LRRC58: variants seen among roughly 807,000 people sequenced by gnomAD.
LRRC58 encodes leucine rich repeat containing 58.
Under a neutral mutation model 30.6 loss-of-function variants are expected in LRRC58, and 18 were observed. The observed-to-expected ratio is 0.59, with a 90% CI of 0.41 to 0.87. The LOEUF (loss-of-function observed/expected upper bound fraction) is 0.87. Among genes scored for constraint, LRRC58 ranks in the 40% least tolerant of loss-of-function variants. The pLI is 0.00. For missense variants in LRRC58, 420 were observed against 468.4 expected (o/e 0.90, Z 0.95); for synonymous variants, 221 against 206.0 (o/e 1.07, Z -0.62).
intron 1 of LRRC58, among the ~76,000 whole-genome samples, chr3:120,338,670 A>T (rs1576183124): frequency 6.6e-6 from 1 of 152,232 alleles, no homozygotes; most frequent in South Asian, 2.1e-4. Context: ...ACAGCAACAC[A>T]GCCAGTTTGA....
chr3:120,324,941 T>A lies in LRRC58; in HGVS notation c.*6259A>T, dbSNP rs944319793. On this transcript the variant is annotated 3_prime_UTR_variant, in exon 4 of 4. Transcript: ENST00000295628. The stretch of plus-strand genomic sequence containing the variant: ...AAATACAGAAAATTAAGAAATCAGA[T>A]CATAAAAAGTAATTTGACCCAAGTA... 6.6e-6 allele frequency: 1 copy of A among 152,178 alleles called. No homozygotes were observed. The highest frequency in any genetic ancestry group is 1.9e-4 in the East Asian group (1 of 5,202). The allele number at this position is 152,178 out of a possible 1,614,324, so 9.4% of individuals were successfully genotyped here.
At chr3:120,340,781 C>T (rs1447107850) in intron 1 of LRRC58, among the ~76,000 whole-genome samples, 2 of 152,116 alleles carry the variant, frequency 1.3e-5, no homozygotes, top group Non-Finnish European at 2.9e-5. Flanking sequence ...CCTGTAATCC[C>T]AGCTACTCAG....
chr3:120,331,211 G>T lies in LRRC58; in HGVS notation c.1105C>A (p.Leu369Ile). The T allele has an allele frequency of 6.2e-7, 1 of 1,613,922 alleles. No individual in the cohort carries two copies. Among genetic ancestry groups the T allele is most frequent in the Middle Eastern group, 1.6e-4 (1 of 6,062 alleles). The change falls in exon 4 of 4, where the codon CTT (leucine) becomes ATT (isoleucine). Residue 369 changes from leucine to isoleucine, a missense_variant. This residue lies in a region of LRRC58 where 154 missense variants were observed against 216.8 expected (regional missense o/e 0.71). Coordinates refer to ENST00000295628, the MANE Select transcript of LRRC58 (RefSeq NM_001099678.2). ...CTGTGCACTCCTGTTCAACCAAGAA[G>T]AACTTTCTGCATTCTGCGTGCAGCA... ...SVAARRMQKV[L>I]LG
At chr3:120,337,564 T>G (rs1439291585) in intron 1 of LRRC58, among the ~76,000 whole-genome samples, 3 of 152,174 alleles carry the variant, frequency 2.0e-5, no homozygotes, top group African/African-American at 7.2e-5. Context: ...TCAAGCATGG[T>G]CTATTTTCAT....
At chr3:120,334,176 G>C (rs1935800191) in intron 3 of LRRC58, among the ~76,000 whole-genome samples, 1 of 152,112 alleles carries the variant, frequency 6.6e-6, no homozygotes, top group African/African-American at 2.4e-5. Flanking sequence ...TCTGATACAG[G>C]GAATGGTGAG....
intron 1 of LRRC58, among the ~76,000 whole-genome samples, chr3:120,340,092 C>T (rs1935886310): frequency 6.6e-6 from 1 of 152,130 alleles, no homozygotes; most frequent in African/African-American, 2.4e-5. Flanking sequence ...AACTCCTGAC[C>T]TCATGATACG....
rs1022722176 is a variant in LRRC58 at position 120,331,478 on chromosome 3, C to T, written c.908-70G>A. The T allele has an allele frequency of 3.2e-5, 38 of 1,205,458 alleles. No homozygotes were observed. The East Asian group carries it at 8.6e-4, about 27-fold the overall frequency. The allele number at this position is 1,205,458 out of a possible 1,614,324, so 74.7% of individuals were successfully genotyped here. A position where few individuals can be genotyped will look rare whatever the true frequency, so the allele number is the denominator to read the frequency against. The stretch of plus-strand genomic sequence containing the variant: ...ATCAATTTCTTTTTCAGCCCTTTCT[C>T]CAGTGTTCTGGAGAAATGTCATACA... On this transcript the variant is annotated intron_variant, in intron 3 of 3. Coordinates refer to ENST00000295628, the MANE Select transcript of LRRC58 (RefSeq NM_001099678.2).
intron 3 of LRRC58, among the ~76,000 whole-genome samples, chr3:120,333,924 C>A (rs2107622203): frequency 6.6e-6 from 1 of 152,290 alleles, no homozygotes. Context: ...CTAATTCATA[C>A]CTCAAGAATT....
At chr3:120,345,227 T>C (rs1257704749) in intron 1 of LRRC58, among the ~76,000 whole-genome samples, 1 of 152,194 alleles carries the variant, frequency 6.6e-6, no homozygotes, top group Non-Finnish European at 1.5e-5. Context: ...TAAGTATTCA[T>C]TTGTTATTCC....
intron 1 of LRRC58, among the ~76,000 whole-genome samples, chr3:120,341,776 A>T (rs960480175): frequency 2.0e-5 from 3 of 151,990 alleles, no homozygotes; most frequent in African/African-American, 7.2e-5. Flanking sequence ...AGAGCTCCCC[A>T]GGTGCAGCTG....
At chr3:120,347,993 T>C (rs568736054) in intron 1 of LRRC58, among the ~76,000 whole-genome samples, 20 of 152,144 alleles carry the variant, frequency 1.3e-4, no homozygotes, top group Admixed American at 2.0e-4. Context: ...AAAGGCAAGA[T>C]GAATGAAGCA....
At chr3:120,343,633 T>G (rs935313323) in intron 1 of LRRC58, among the ~76,000 whole-genome samples, 1 of 152,228 alleles carries the variant, frequency 6.6e-6, no homozygotes, top group Non-Finnish European at 1.5e-5. Context: ...CCTTTTCTCT[T>G]ATCAAGTACA....
intron 1 of LRRC58, among the ~76,000 whole-genome samples, chr3:120,348,238 G>GC (rs1315533560): frequency 6.6e-6 from 1 of 152,204 alleles, no homozygotes; most frequent in African/African-American, 2.4e-5. Flanking sequence ...ACTCCAAGCT[G>GC]CTTTCTCTAC....
intron 1 of LRRC58, among the ~76,000 whole-genome samples, chr3:120,339,858 A>AT (rs796095882): frequency 1.6e-4 from 24 of 151,224 alleles, no homozygotes; most frequent in African/African-American, 4.1e-4. Context: ...CAGTTTTTTA[A>AT]TTTTTTTTTA....
chr3:120,325,805 T>C lies in LRRC58; in HGVS notation c.*5395A>G, dbSNP rs927100053. 4 of 152,206 alleles carry C rather than the reference T, an allele frequency of 2.6e-5. No homozygotes were observed. Among genetic ancestry groups the C allele is most frequent in the African/African-American group, 9.6e-5 (4 of 41,454 alleles). 9.4% of individuals were successfully genotyped at this position (152,206 alleles called of 1,614,324 possible). A position where few individuals can be genotyped will look rare whatever the true frequency, so the allele number is the denominator to read the frequency against. ...GCTGTCATTCTTTGGTGGCACCAGA[T>C]AAATTTTTTAAATAATATATAACAG... On this transcript the variant is annotated 3_prime_UTR_variant, in exon 4 of 4. Transcript: ENST00000295628.
intron 3 of LRRC58, among the ~76,000 whole-genome samples, chr3:120,334,001 A>G (rs1037409108): frequency 1.3e-5 from 2 of 152,194 alleles, no homozygotes; most frequent in Non-Finnish European, 2.9e-5. Context: ...AGCATTTTGA[A>G]TTCCTTGGGA....
At chr3:120,341,692 T>C (rs113678240) in intron 1 of LRRC58, among the ~76,000 whole-genome samples, 2,275 of 152,248 alleles carry the variant, frequency 0.015, 25 homozygotes, top group Middle Eastern at 0.054. Context: ...ATCATGTTGA[T>C]GTAACAGGGA....
chr3:120,338,121 G>C (rs1935858383), intron 1 of LRRC58, among the ~76,000 whole-genome samples: 1 of 152,180 alleles, frequency 6.6e-6, no homozygotes, highest in South Asian at 2.1e-4. Flanking sequence ...GGGATTACGG[G>C]CGTGAGCCAC....
chr3:120,335,696 A>G (rs979044486), intron 2 of LRRC58, 129 bp downstream of exon 2: 1 of 806,876 alleles, frequency 1.2e-6, no homozygotes, highest in Non-Finnish European at 1.9e-6. Context: ...CCTCAGAACT[A>G]TAATTAACAT....
Sources: gnomAD v4.1 joint callset for allele counts (sites outside exome capture counted in the v4.1 genomes callset) on GRCh38, gnomAD v4.1.1 for gene constraint, gnomAD v4.1.1 regional missense constraint, MANE v1.5 for transcripts, NCBI Gene and HGNC (gene_info 2026-07-23, HGNC 2026-07-21) for gene names.